The following OSBPL8 variants were observed in gnomAD, a reference collection of about 807,000 sequenced individuals.
OSBPL8 encodes oxysterol-binding protein-related protein 8.
OSBPL8 carries 59 observed loss-of-function variants against 125.5 expected under a neutral mutation model. The observed-to-expected ratio is 0.47, with a 90% CI of 0.38 to 0.58. OSBPL8 has a LOEUF of 0.58. OSBPL8 is among the 20% of genes least tolerant of loss of function. The probability of loss-of-function intolerance (pLI) is 0.00; values close to 1 mark genes in which losing one functional copy is unlikely to be tolerated. For missense variants in OSBPL8, 758 were observed against 1,047.8 expected, an observed-to-expected ratio of 0.72 and a Z score of 3.82; for synonymous variants, 330 against 338.9, an observed-to-expected ratio of 0.97 and a Z score of 0.29.
chr12:76,477,520 A>G (rs1487170522), intron 2 of OSBPL8, among the ~76,000 whole-genome samples: 1 of 152,216 alleles, frequency 6.6e-6, no homozygotes, highest in East Asian at 1.9e-4. Flanking sequence ...ACTAACCAGT[A>G]GCCCTCAAAA....
intron 5 of OSBPL8, among the ~76,000 whole-genome samples, chr12:76,408,143 TA>T (rs376221340): frequency 0.017 from 1,530 of 92,014 alleles, 16 homozygotes; most frequent in African/African-American, 0.042. Context: ...CCTCATCTCT[TA>T]AAAAAAAAAA....
chr12:76,454,662 T>C (rs146515959), intron 3 of OSBPL8, among the ~76,000 whole-genome samples: 2 of 149,672 alleles, frequency 1.3e-5, no homozygotes, highest in East Asian at 4.0e-4. Flanking sequence ...AAAGCTGCAG[T>C]AAGCTGTGAT....
At chr12:76,379,897 T>G (rs769674834) in intron 15 of OSBPL8, among the ~76,000 whole-genome samples, 2 of 152,230 alleles carry the variant, frequency 1.3e-5, no homozygotes, top group African/African-American at 2.4e-5. Flanking sequence ...TCTGAGTTCA[T>G]GGTAAATGTA....
chr12:76,481,547 T>G (rs1877492066), intron 2 of OSBPL8, among the ~76,000 whole-genome samples: 1 of 152,064 alleles, frequency 6.6e-6, no homozygotes, highest in African/African-American at 2.4e-5. Flanking sequence ...GGAGGATCAC[T>G]TAAGCCCAGG....
intron 2 of OSBPL8, among the ~76,000 whole-genome samples, chr12:76,465,955 G>A (rs1406871823): frequency 1.3e-5 from 2 of 150,888 alleles, no homozygotes; most frequent in Admixed American, 6.6e-5. Flanking sequence ...GCAGTAAGCC[G>A]AGATCACACC....
chr12:76,367,683 T>C (rs1458409411), intron 21 of OSBPL8, among the ~76,000 whole-genome samples: 1 of 152,190 alleles, frequency 6.6e-6, no homozygotes, highest in Non-Finnish European at 1.5e-5. Context: ...GTAAACTGTT[T>C]CAATTCCCTT....
chr12:76,356,162 T>TGGGGGGGCAGGGGGGGGGGGGGGGGGGG (rs1951977503), intron 23 of OSBPL8, 141 bp from the exon 24 acceptor site: 1 of 131,834 alleles, frequency 7.6e-6, no homozygotes. Flanking sequence ...TATGTAGGGG[T>TGGGGGGGCAGGGGGGGGGGGGGGGGGGG]GGGGGGGGGC....
rs558346092 is a variant in OSBPL8, at chr12:76,369,798, G to A, written c.2079C>T (p.Ala693=). ...CTTCAGTTTGGTCTTTGGCATTTAT[G>A]GCTCGAGTTACCCGTTGCCAGAGTC... ...SEKLWQRVTR[A]INAKDQTEAT... is the part of the protein sequence containing the mutation. Residue 693 remains alanine (A), a synonymous_variant, in exon 20 of 24, where the codon GCC becomes GCT. Transcript: ENST00000261183. 1.5e-5 allele frequency: 24 copies of A among 1,613,102 alleles called. 1 individual carries two copies. The South Asian group carries it at 2.6e-4, about 18-fold the overall frequency.
chr12:76,365,327 T>C (rs1021571912), intron 21 of OSBPL8, among the ~76,000 whole-genome samples: 32 of 152,314 alleles, frequency 2.1e-4, no homozygotes, highest in East Asian at 7.7e-4. Flanking sequence ...TCTTTAGCAA[T>C]GTTTTATAGT....
rs146266094 is a variant in OSBPL8 at position 76,450,906 on chromosome 12, C to A, written c.162G>T (p.Thr54=). Residue 54 remains threonine, a synonymous_variant, in exon 4 of 24, where the codon ACG becomes ACT. Coordinates refer to ENST00000261183, the MANE Select transcript of OSBPL8 (RefSeq NM_020841.5). ...SQRQGKEAYP[T]PTKDLHQPSL... is the part of the protein sequence containing the mutation. ...ATGGCTGATGCAAATCTTTGGTTGG[C>A]GTTGGATAAGCTTCTTTTCCTTGGC... The A allele has an allele frequency of 3.7e-6, 6 of 1,613,936 alleles. No individual in the cohort carries two copies. The African/African-American group carries it at 8.0e-5, about 22-fold the overall frequency.
At chr12:76,455,873 G>A (rs897537091) in intron 3 of OSBPL8, among the ~76,000 whole-genome samples, 1 of 152,142 alleles carries the variant, frequency 6.6e-6, no homozygotes, top group African/African-American at 2.4e-5. Flanking sequence ...TTTGGCAAAT[G>A]AATCACTGTG....
intron 4 of OSBPL8, among the ~76,000 whole-genome samples, chr12:76,445,587 A>T (rs1872645638): frequency 6.6e-6 from 1 of 152,206 alleles, no homozygotes; most frequent in African/African-American, 2.4e-5. Context: ...CAAAAAGAAG[A>T]TGTAAAAGAT....
At chr12:76,504,649 G>A (rs1413080595) in intron 1 of OSBPL8, among the ~76,000 whole-genome samples, 2 of 152,182 alleles carry the variant, frequency 1.3e-5, no homozygotes, top group Non-Finnish European at 2.9e-5. Flanking sequence ...TCCTGGGCAT[G>A]GGCCAAGATA....
intron 21 of OSBPL8, among the ~76,000 whole-genome samples, chr12:76,359,218 T>C (rs1952104739): frequency 6.6e-6 from 1 of 152,250 alleles, no homozygotes. Context: ...TAATAGTGTG[T>C]ATAAATCATA....
At position 76,559,544 on chromosome 12, in the gene OSBPL8, G is replaced by A. The variant is rs1592924975; in HGVS notation, c.-215C>T. ...CGGCGGCAGCTGGGGCGCGAGCCTG[G>A]ACGAAGGGCGCTGCCCAGCGGCCGC... is the stretch of plus-strand genomic sequence containing the variant. On this transcript the variant is annotated 5_prime_UTR_variant, in exon 1 of 24. Transcript: ENST00000261183. 1.3e-5 allele frequency: 2 copies of A among 152,354 alleles called. No homozygotes were observed. The highest frequency in any genetic ancestry group is 4.8e-5 in the African/African-American group (2 of 41,574). The allele number at this position is 152,354 out of a possible 1,614,324, so 9.4% of individuals were successfully genotyped here. A position where few individuals can be genotyped will look rare whatever the true frequency, so the allele number is the denominator to read the frequency against.
At chr12:76,466,918 T>C (rs1274716518) in intron 2 of OSBPL8, among the ~76,000 whole-genome samples, 1 of 151,794 alleles carries the variant, frequency 6.6e-6, no homozygotes, top group Non-Finnish European at 1.5e-5. Context: ...TGAGCCAAGA[T>C]TGCACCATTG....
chr12:76,472,373 G>C (rs547453623), intron 2 of OSBPL8, among the ~76,000 whole-genome samples: 6 of 152,248 alleles, frequency 3.9e-5, no homozygotes, highest in African/African-American at 1.4e-4. Flanking sequence ...ACTACTGTAG[G>C]GACCAGCCCC....
intron 4 of OSBPL8, among the ~76,000 whole-genome samples, chr12:76,449,525 A>G (rs1439151050): frequency 2.0e-5 from 3 of 152,238 alleles, no homozygotes; most frequent in Non-Finnish European, 4.4e-5. Context: ...AAATCAAGGC[A>G]GAGGCACCAA....
At chr12:76,535,753 C>A (rs1950475299) in intron 1 of OSBPL8, among the ~76,000 whole-genome samples, 2 of 152,062 alleles carry the variant, frequency 1.3e-5, no homozygotes, top group Admixed American at 1.3e-4. Flanking sequence ...CAAAAATATG[C>A]AGGGCAAAAT....
Sources: allele counts gnomAD v4.1 joint callset (sites outside exome capture counted in the v4.1 genomes callset), GRCh38; gene constraint gnomAD v4.1.1; transcripts MANE v1.5; gene names NCBI Gene and HGNC (gene_info 2026-07-23, HGNC 2026-07-21).